ATP5F1C: variants seen among roughly 807,000 people sequenced by gnomAD.
ATP5F1C encodes the protein ATP synthase F1 subunit gamma, also known as ATP synthase F(1) complex subunit gamma, mitochondrial.
ATP5F1C carries 22 observed loss-of-function variants against 37.4 expected under a neutral mutation model. That is an observed-to-expected ratio of 0.59 (90% CI 0.42 to 0.84). The LOEUF is 0.84. Ranked by LOEUF, ATP5F1C falls within the 40% of genes least tolerant of loss-of-function variation. ATP5F1C has a pLI of 0.00. For synonymous variants in ATP5F1C, 121 were observed against 128.0 expected (o/e 0.95, Z 0.37); for missense variants, 286 against 362.4 (o/e 0.79, Z 1.71).
intron 9 of ATP5F1C, 102 bp from the exon 10 acceptor site, chr10:7,807,557 C>T (rs1836507299): frequency 1.5e-6 from 2 of 1,370,470 alleles, no homozygotes; most frequent in Non-Finnish European, 2.0e-6. Context: ...TGTGTAAATT[C>T]AGTTCTCTGT....
chr10:7,804,093 C>G (rs1194354468), intron 8 of ATP5F1C: 1 of 518,862 alleles, frequency 1.9e-6, no homozygotes, highest in Non-Finnish European at 3.8e-6. Flanking sequence ...CACAGCAGAA[C>G]AGAGGTTGCT....
At chr10:7,799,269 A>G (rs1198742195) in intron 4 of ATP5F1C, 75 bp downstream of exon 4, 1 of 1,379,180 alleles carries the variant, frequency 7.3e-7, no homozygotes, top group African/African-American at 1.5e-5. Flanking sequence ...GTTTTGACAA[A>G]CTCTCAAAAC....
At chr10:7,804,161 G>T in intron 8 of ATP5F1C, 1 of 519,042 alleles carries the variant, frequency 1.9e-6, no homozygotes, top group South Asian at 1.4e-5. Context: ...ATAAGAAAAA[G>T]GAGAGTGATA....
chr10:7,805,053 A>T (rs1473009028), intron 8 of ATP5F1C, among the ~76,000 whole-genome samples: 1 of 152,206 alleles, frequency 6.6e-6, no homozygotes, highest in Non-Finnish European at 1.5e-5. Flanking sequence ...TTCTAAGCAC[A>T]GCTGTGTTAG....
chr10:7,799,342 G>C, intron 4 of ATP5F1C, 148 bp downstream of exon 4: 1 of 685,892 alleles, frequency 1.5e-6, no homozygotes, highest in Non-Finnish European at 2.4e-6. Flanking sequence ...GGGGGTGTTT[G>C]TTTCCTTTTT....
intron 6 of ATP5F1C, among the ~76,000 whole-genome samples, chr10:7,800,929 T>C (rs1223538534): frequency 6.6e-6 from 1 of 152,278 alleles, no homozygotes; most frequent in Admixed American, 6.5e-5. Context: ...ATTAGATTTT[T>C]TTGTCCTCAA....
intron 4 of ATP5F1C, 85 bp downstream of exon 4, chr10:7,799,279 CCTT>C (rs1836305007): frequency 4.7e-6 from 6 of 1,286,196 alleles, no homozygotes; most frequent in Non-Finnish European, 5.5e-6. Flanking sequence ...ACTCTCAAAA[CCTT>C]CATCAATAAC....
At chr10:7,792,444 A>C (rs1836177663) in intron 1 of ATP5F1C, among the ~76,000 whole-genome samples, 1 of 152,166 alleles carries the variant, frequency 6.6e-6, no homozygotes, top group African/African-American at 2.4e-5. Context: ...GATTTGGACA[A>C]ATGCATAATG....
chr10:7,795,314 T>C (rs1836220309), intron 1 of ATP5F1C, among the ~76,000 whole-genome samples: 1 of 152,194 alleles, frequency 6.6e-6, no homozygotes, highest in Non-Finnish European at 1.5e-5. Flanking sequence ...TGCTCAGTTC[T>C]CCTGTGTAGC....
intron 1 of ATP5F1C, among the ~76,000 whole-genome samples, chr10:7,793,536 G>A (rs1836194104): frequency 6.6e-6 from 1 of 152,152 alleles, no homozygotes; most frequent in Admixed American, 6.5e-5. Flanking sequence ...CTTTATCAGA[G>A]ATGAGTTTTA....
intron 1 of ATP5F1C, among the ~76,000 whole-genome samples, chr10:7,790,521 T>C (rs1386202871): frequency 2.0e-5 from 3 of 152,234 alleles, no homozygotes; most frequent in African/African-American, 7.2e-5. Context: ...AAAATGGAAC[T>C]GTTTTTTAAT....
Position 7,796,152 on chromosome 10 carries a change from G to A in ATP5F1C, c.88G>A (p.Asp30Asn). ...AGTTCGAAATATGGCAACTTTGAAA[G>A]ATAGTAAGTATGTTGTTTGTCTCAA... The part of the protein sequence containing the change: ...IQVRNMATLK[D>N]ITRRLKSIKN... Residue 30 changes from aspartate (D) to asparagine (N), a missense_variant, in exon 2 of 10, where the codon GAT (aspartate) becomes AAT (asparagine). Asp to Asn is a conservative substitution (Grantham distance 23, BLOSUM62 1). Coordinates refer to ENST00000356708, the MANE Select transcript of ATP5F1C (RefSeq NM_001001973.3). 6.3e-7 allele frequency: 1 copy of A among 1,587,660 alleles called. No individual in the cohort carries two copies. Among genetic ancestry groups the A allele is most frequent in the Non-Finnish European group, 8.5e-7 (1 of 1,171,696 alleles).
chr10:7,793,884 C>T (rs1739055872), intron 1 of ATP5F1C, among the ~76,000 whole-genome samples: 1 of 152,118 alleles, frequency 6.6e-6, no homozygotes. Context: ...AAAGAATATC[C>T]TTTTTTCCTT....
rs180695728 is a variant in ATP5F1C, at chr10:7,790,358, C to T, written c.56+2095C>T. 5.1e-3 allele frequency among the ~76,000 whole-genome samples: 769 copies of T among 152,156 alleles called. 3 individuals are homozygous for T. The highest frequency in any genetic ancestry group is 9.9e-3 in the African/African-American group (412 of 41,526). On this transcript the variant is annotated intron_variant, in intron 1 of 9. Coordinates refer to ENST00000356708, the MANE Select transcript of ATP5F1C (RefSeq NM_001001973.3). Reference sequence around the variant, plus strand: ...GTTATTTTAATAGTTGTTAGGGTATCGGCAAAATACTCTAACGTTTTGAAA... The same window carrying T: ...GTTATTTTAATAGTTGTTAGGGTATTGGCAAAATACTCTAACGTTTTGAAA...
intron 6 of ATP5F1C, among the ~76,000 whole-genome samples, chr10:7,801,268 T>C (rs1324035465): frequency 6.6e-6 from 1 of 152,246 alleles, no homozygotes; most frequent in African/African-American, 2.4e-5. Flanking sequence ...CAATGGAACA[T>C]CATTTATAAT....
At chr10:7,803,083 G>A (rs1307084668) in intron 8 of ATP5F1C, among the ~76,000 whole-genome samples, 1 of 152,120 alleles carries the variant, frequency 6.6e-6, no homozygotes, top group African/African-American at 2.4e-5. Flanking sequence ...TTTTCTAAAG[G>A]ATTAGGAATG....
chr10:7,800,441 C>T (rs1054230378), intron 6 of ATP5F1C, among the ~76,000 whole-genome samples: 8 of 151,702 alleles, frequency 5.3e-5, no homozygotes, highest in South Asian at 2.1e-4. Flanking sequence ...GTGATCCACC[C>T]GCCTCGGCCT....
intron 8 of ATP5F1C, among the ~76,000 whole-genome samples, chr10:7,804,430 ACT>A (rs1289092464): frequency 1.3e-5 from 2 of 151,990 alleles, no homozygotes; most frequent in Non-Finnish European, 2.9e-5. Flanking sequence ...CAGATTCGTC[ACT>A]CTTTCTCGCG....
chr10:7,793,537 A>T (rs1034266678), intron 1 of ATP5F1C, among the ~76,000 whole-genome samples: 1 of 152,174 alleles, frequency 6.6e-6, no homozygotes, highest in Non-Finnish European at 1.5e-5. Context: ...TTTATCAGAG[A>T]TGAGTTTTAG....
Sources: allele counts gnomAD v4.1 joint callset (sites outside exome capture counted in the v4.1 genomes callset), GRCh38; gene constraint gnomAD v4.1.1; transcripts MANE v1.5; gene names NCBI Gene and HGNC (gene_info 2026-07-23, HGNC 2026-07-21).